The following FANCB variants were observed in gnomAD, a reference collection of about 807,000 sequenced individuals.
FANCB encodes FA complementation group B, also known as Fanconi anemia group B protein.
FANCB carries 5 observed loss-of-function variants against 38.9 expected under a neutral mutation model. That is an observed-to-expected ratio of 0.13 (90% CI 0.07 to 0.27). The LOEUF is 0.27. Ranked by LOEUF, FANCB falls within the 10% of genes least tolerant of loss-of-function variation. The probability of loss-of-function intolerance (pLI) is 1.00; values close to 1 mark genes in which losing one functional copy is unlikely to be tolerated. For synonymous variants in FANCB, 236 were observed against 215.4 expected (o/e 1.10, Z -0.84); for missense variants, 573 against 602.7 (o/e 0.95, Z 0.52).
the FANCB span, among the ~76,000 whole-genome samples, chrX:14,741,836 TAA>T: frequency 1.5e-3 from 169 of 111,847 alleles, 2 homozygotes; most frequent in Non-Finnish European, 1.6e-3. Context: ...AATGTTAGGA[TAA>T]GTTTCCTGGG....
chrX:14,703,951 A>G, the FANCB span, among the ~76,000 whole-genome samples: 1 of 111,795 alleles, frequency 8.9e-6, no homozygotes, highest in Non-Finnish European at 1.9e-5. Flanking sequence ...AACCTCTTGC[A>G]TGCAATCCCT....
the FANCB span, among the ~76,000 whole-genome samples, chrX:14,794,046 T>C: frequency 8.9e-6 from 1 of 111,856 alleles, no homozygotes; most frequent in African/African-American, 3.2e-5. Context: ...TGTTTGTTTG[T>C]TTGTTTTTTG....
chrX:14,690,693 C>A, the FANCB span: 1 of 637,138 alleles, frequency 1.6e-6, no homozygotes, highest in Non-Finnish European at 2.2e-6. Context: ...GTGTGTGTGT[C>A]TCTCTCTCTC....
the FANCB span, among the ~76,000 whole-genome samples, chrX:14,760,996 CA>C: frequency 1.9e-5 from 2 of 107,262 alleles, no homozygotes; most frequent in East Asian, 3.0e-4. Context: ...ACAACAACAA[CA>C]AAAAAAAAAC....
chrX:14,823,325 G>A, the FANCB span, among the ~76,000 whole-genome samples: 8 of 110,580 alleles, frequency 7.2e-5, 2 homozygotes, highest in Non-Finnish European at 1.1e-4. Context: ...CTCGTGATCC[G>A]CCCGCCCCGG....
the FANCB span, among the ~76,000 whole-genome samples, chrX:14,790,692 G>C: frequency 0.082 from 9,127 of 111,645 alleles, 817 homozygotes; most frequent in African/African-American, 0.26. Context: ...GGGAGGATCA[G>C]TTAGTTTTCC....
chrX:14,778,170 G>A, the FANCB span, among the ~76,000 whole-genome samples: 3 of 112,173 alleles, frequency 2.7e-5, no homozygotes, highest in Non-Finnish European at 5.6e-5. Flanking sequence ...GGTTTCTGAG[G>A]TTGAAATAAA....
At chrX:14,757,114 G>A in the FANCB span, among the ~76,000 whole-genome samples, 4 of 112,041 alleles carry the variant, frequency 3.6e-5, no homozygotes, top group Admixed American at 9.4e-5. Flanking sequence ...ATACACTATC[G>A]TGGGAATGTA....
chrX:14,743,261 A>G, the FANCB span, among the ~76,000 whole-genome samples: 2 of 111,906 alleles, frequency 1.8e-5, no homozygotes, highest in Non-Finnish European at 3.8e-5. Flanking sequence ...TGTTTATAAG[A>G]TGAGAATGAT....
intron 7 of FANCB, 102 bp downstream of exon 7, chrX:14,850,403 G>C: frequency 6.5e-6 from 4 of 610,774 alleles, no homozygotes; most frequent in Non-Finnish European, 1.1e-5. Flanking sequence ...TTTAAATATG[G>C]CCTCTAGAAC....
At chrX:14,823,347 G>A in the FANCB span, among the ~76,000 whole-genome samples, 1 of 111,369 alleles carries the variant, frequency 9.0e-6, no homozygotes, top group Non-Finnish European at 1.9e-5. Context: ...CTCCCAAAGT[G>A]CTGGGATTGC....
chrX:14,763,467 G>A, the FANCB span, among the ~76,000 whole-genome samples: 1 of 111,838 alleles, frequency 8.9e-6, no homozygotes, highest in Non-Finnish European at 1.9e-5. Flanking sequence ...TACAAAGATA[G>A]TCAAAACTAA....
At chrX:14,786,327 G>A in the FANCB span, among the ~76,000 whole-genome samples, 3 of 110,959 alleles carry the variant, frequency 2.7e-5, no homozygotes, top group African/African-American at 9.9e-5. Context: ...ATTATTCACA[G>A]CATCATCTAT....
At chrX:14,862,489 A>G (rs2092450969) in intron 3 of FANCB, among the ~76,000 whole-genome samples, 1 of 111,808 alleles carries the variant, frequency 8.9e-6, no homozygotes, top group East Asian at 2.8e-4. Context: ...CTTGGGTAAC[A>G]TGTTAGTGGC....
chrX:14,750,248 T>C, the FANCB span, among the ~76,000 whole-genome samples: 1 of 111,615 alleles, frequency 9.0e-6, no homozygotes, highest in Non-Finnish European at 1.9e-5. Flanking sequence ...GGTGTATTAG[T>C]TAAGGTAATG....
In FANCB at chrX:14,864,599, T is replaced by C. The variant is rs765890822; in HGVS notation, c.912A>G (p.Ile304Met). Residue 304 changes from isoleucine to methionine, a missense_variant, in exon 3 of 10, where the codon ATA becomes ATG. Physicochemically the swap from Ile to Met is conservative, Grantham distance 10. Coordinates refer to ENST00000650831, the MANE Select transcript of FANCB (RefSeq NM_001018113.3). ...GGNLFFVVSFISNNACAVWKE... is the reference protein window; with the variant it reads ...GGNLFFVVSFMSNNACAVWKE... Reference sequence around the variant, plus strand: ...TCCATACAGCACAAGCATTATTGGATATAAAGGATACAACGAAAAAGAGGT... The same window carrying C: ...TCCATACAGCACAAGCATTATTGGACATAAAGGATACAACGAAAAAGAGGT... 2.5e-6 allele frequency: 3 copies of C among 1,200,411 alleles called. No individual in the cohort carries two copies. In the East Asian group the frequency reaches 8.9e-5, roughly 36 times the overall value.
chrX:14,848,604 T>C (rs111878337), intron 7 of FANCB, among the ~76,000 whole-genome samples: 3,914 of 111,904 alleles, frequency 0.035, 137 homozygotes, highest in African/African-American at 0.11. Flanking sequence ...TGCTGATTAA[T>C]ATCTTGCTAA....
At chrX:14,695,552 A>G in the FANCB span, among the ~76,000 whole-genome samples, 2 of 112,186 alleles carry the variant, frequency 1.8e-5, no homozygotes, top group African/African-American at 6.5e-5. Flanking sequence ...CAGTTCATAG[A>G]TGGAGATACT....
the FANCB span, among the ~76,000 whole-genome samples, chrX:14,717,823 G>A: frequency 5.5e-5 from 6 of 108,432 alleles, no homozygotes; most frequent in African/African-American, 2.0e-4. Context: ...ACTCAGTTAT[G>A]AATCCAATTT....
Sources: gnomAD v4.1 joint callset for allele counts (sites outside exome capture counted in the v4.1 genomes callset) on GRCh38, gnomAD v4.1.1 for gene constraint, MANE v1.5 for transcripts, NCBI Gene and HGNC (gene_info 2026-07-23, HGNC 2026-07-21) for gene names.